Variants in EPHA5 observed in about 807,000 individuals in gnomAD.
EPHA5 encodes the protein EPH receptor A5.
EPHA5 carries 60 observed loss-of-function variants against 105.0 expected under a neutral mutation model. That is an observed-to-expected ratio of 0.57 (90% confidence interval 0.46 to 0.71). EPHA5 has a LOEUF of 0.71. EPHA5 is among the 30% of genes least tolerant of loss of function. The pLI, the probability that EPHA5 is intolerant of heterozygous loss-of-function variation, is 0.00. For missense variants in EPHA5, 1,218 were observed against 1,274.7 expected (o/e 0.96, Z 0.68); for synonymous variants, 513 against 449.1 (o/e 1.14, Z -1.80).
At position 65,490,575 on chromosome 4, in the gene EPHA5, C is replaced by T. The variant is rs753030165; in HGVS notation, c.1204G>A (p.Ala402Thr). Residue 402 changes from alanine to threonine, a missense_variant, in exon 5 of 17, where the codon GCA becomes ACA. Transcript: ENST00000613740. Reference protein sequence around the residue: ...YIACKKCNSHAGVCEECGGHV... With the variant: ...YIACKKCNSHTGVCEECGGHV... ...CCGCCACACTCCTCACACACACCTGCATGGGAGTTGCACTTCTTGCATGCA... is the reference window on the plus strand; with the variant it reads ...CCGCCACACTCCTCACACACACCTGTATGGGAGTTGCACTTCTTGCATGCA... 1.7e-5 allele frequency: 27 copies of T among 1,614,140 alleles called. No individual in the cohort carries two copies. The South Asian group carries it at 2.6e-4, about 16-fold the overall frequency.
chr4:65,640,049 C>A (rs1020862701), intron 2 of EPHA5, among the ~76,000 whole-genome samples: 6 of 152,088 alleles, frequency 3.9e-5, no homozygotes, highest in Non-Finnish European at 5.9e-5. Flanking sequence ...ATCTTCAGTA[C>A]AAAGTCTAAT....
At chr4:65,585,607 G>T (rs1488899837) in intron 3 of EPHA5, among the ~76,000 whole-genome samples, 1 of 151,770 alleles carries the variant, frequency 6.6e-6, no homozygotes, top group African/African-American at 2.4e-5. Context: ...CAAGAACAAA[G>T]CAAGAACACT....
At chr4:65,353,763 C>A (rs1214793598) in intron 11 of EPHA5, among the ~76,000 whole-genome samples, 2 of 151,656 alleles carry the variant, frequency 1.3e-5, no homozygotes, top group Non-Finnish European at 2.9e-5. Context: ...ATTTTCCTAC[C>A]TTTACCTCTA....
chr4:65,338,366 T>C (rs1355843855), intron 14 of EPHA5, among the ~76,000 whole-genome samples: 1 of 152,122 alleles, frequency 6.6e-6, no homozygotes, highest in Non-Finnish European at 1.5e-5. Flanking sequence ...ATATTTGCTA[T>C]ACAGTGAGAA....
At chr4:65,458,738 T>C (rs1384091546) in intron 5 of EPHA5, among the ~76,000 whole-genome samples, 1 of 152,100 alleles carries the variant, frequency 6.6e-6, no homozygotes, top group Non-Finnish European at 1.5e-5. Flanking sequence ...TAGTAGGTAT[T>C]CAAAATTATT....
chr4:65,560,173 C>T (rs1738862641), intron 3 of EPHA5, among the ~76,000 whole-genome samples: 1 of 152,042 alleles, frequency 6.6e-6, no homozygotes, highest in Non-Finnish European at 1.5e-5. Context: ...GCAATTACTC[C>T]CCAACACTTT....
chr4:65,371,356 TATATAA>T (rs1471038411), intron 8 of EPHA5, among the ~76,000 whole-genome samples: 1 of 152,076 alleles, frequency 6.6e-6, no homozygotes, highest in Non-Finnish European at 1.5e-5. Context: ...AGATGCTAGA[TATATAA>T]ATATACCAAT....
intron 16 of EPHA5, chr4:65,330,743 A>G: frequency 9.9e-7 from 1 of 1,007,876 alleles, no homozygotes; most frequent in Non-Finnish European, 1.2e-6. Context: ...TTTTCAGTAT[A>G]CCAGTTTAAA....
intron 2 of EPHA5, among the ~76,000 whole-genome samples, chr4:65,638,826 C>T (rs1332090304): frequency 6.6e-6 from 1 of 152,090 alleles, no homozygotes; most frequent in Non-Finnish European, 1.5e-5. Flanking sequence ...GGACAGGGAC[C>T]CTCCTCTTAC....
intron 2 of EPHA5, among the ~76,000 whole-genome samples, chr4:65,640,174 C>T (rs1391993306): frequency 6.6e-6 from 1 of 151,894 alleles, no homozygotes; most frequent in Non-Finnish European, 1.5e-5. Flanking sequence ...CCCCACTCTG[C>T]AGGGTGTGTT....
At chr4:65,421,410 A>G (rs548534904) in intron 5 of EPHA5, among the ~76,000 whole-genome samples, 30 of 152,264 alleles carry the variant, frequency 2.0e-4, no homozygotes, top group Admixed American at 1.3e-3. Context: ...GAAAAGTACT[A>G]ACATTACTGA....
chr4:65,592,162 G>A (rs751456784), intron 3 of EPHA5, among the ~76,000 whole-genome samples: 2 of 152,062 alleles, frequency 1.3e-5, no homozygotes, highest in African/African-American at 2.4e-5. Flanking sequence ...GTATAAGCAC[G>A]TAAAAAAAAT....
At chr4:65,419,703 C>T (rs2149034424) in intron 6 of EPHA5, among the ~76,000 whole-genome samples, 1 of 152,210 alleles carries the variant, frequency 6.6e-6, no homozygotes, top group Non-Finnish European at 1.5e-5. Context: ...CTCATGGTGG[C>T]TACATCTCTG....
intron 3 of EPHA5, among the ~76,000 whole-genome samples, chr4:65,582,284 G>A (rs182376283): frequency 6.6e-6 from 1 of 151,674 alleles, no homozygotes; most frequent in East Asian, 1.9e-4. Context: ...ACTGAGACAA[G>A]GGAGTAGGTA....
At position 65,528,979 on chromosome 4, in the gene EPHA5, A is replaced by G. The variant is rs539649784; in HGVS notation, c.911-33436T>C. ...TCAGTGATAAACAGCTATGCAAGTC[A>G]TGGTCTAGGAAAGCACTGAGGTAAT... On this transcript the variant is annotated intron_variant, in intron 3 of 16. Coordinates refer to ENST00000613740, the MANE Select transcript of EPHA5 (RefSeq NM_001281766.3). 4.6e-5 allele frequency among the ~76,000 whole-genome samples: 7 copies of G among 152,318 alleles called. No homozygotes were observed. In the South Asian group the frequency reaches 1.2e-3, roughly 27 times the overall value.
intron 11 of EPHA5, among the ~76,000 whole-genome samples, chr4:65,355,497 G>T (rs942885470): frequency 6.6e-6 from 1 of 151,484 alleles, no homozygotes; most frequent in Non-Finnish European, 1.5e-5. Context: ...ACACAGTTCT[G>T]CTTTGGGCTC....
At chr4:65,459,937 G>A (rs1271120116) in intron 5 of EPHA5, among the ~76,000 whole-genome samples, 2 of 151,686 alleles carry the variant, frequency 1.3e-5, no homozygotes, top group East Asian at 3.9e-4. Context: ...CATTAAAAAG[G>A]AGAAAAATGT....
chr4:65,492,930 G>T (rs1034192920), intron 4 of EPHA5, among the ~76,000 whole-genome samples: 1 of 151,254 alleles, frequency 6.6e-6, no homozygotes, highest in Non-Finnish European at 1.5e-5. Context: ...AAAATTACAG[G>T]ATTAACCTCT....
intron 1 of EPHA5, among the ~76,000 whole-genome samples, chr4:65,665,695 C>T (rs1017386969): frequency 6.6e-6 from 1 of 152,108 alleles, no homozygotes; most frequent in Non-Finnish European, 1.5e-5. Flanking sequence ...TCACTGTCCT[C>T]TCTGTCTTAT....
Sources: allele counts gnomAD v4.1 joint callset (sites outside exome capture counted in the v4.1 genomes callset), GRCh38; gene constraint gnomAD v4.1.1; transcripts MANE v1.5; gene names NCBI Gene and HGNC (gene_info 2026-07-23, HGNC 2026-07-21).